Variants in RUBCN observed in about 807,000 individuals in gnomAD.
RUBCN encodes rubicon autophagy regulator.
A neutral mutation model predicts 113.2 loss-of-function variants in RUBCN; 74 were observed. That is an observed-to-expected ratio of 0.65 (90% CI 0.54 to 0.79). The LOEUF is 0.79. Ranked by LOEUF, RUBCN falls within the 30% of genes least tolerant of loss-of-function variation. RUBCN has a pLI of 0.00. For missense variants in RUBCN, 1,109 were observed against 1,251.7 expected, an observed-to-expected ratio of 0.89 and a Z score of 1.72; for synonymous variants, 480 against 490.0, an observed-to-expected ratio of 0.98 and a Z score of 0.27.
chr3:197,711,695 A>T lies in RUBCN; in HGVS notation c.219+6282T>A, dbSNP rs186704470. 9.5e-4 allele frequency among the ~76,000 whole-genome samples: 144 copies of T among 152,196 alleles called. 1 individual carries two copies. The highest frequency in any genetic ancestry group is 3.4e-3 in the Middle Eastern group (1 of 294). On this transcript the variant is annotated intron_variant, in intron 2 of 19. Coordinates refer to ENST00000296343, the MANE Select transcript of RUBCN (RefSeq NM_014687.4). ...AAAAAATTTTTAATTAAAAAAAAAA[A>T]TTCTCTGTAAGGAAACTAGTAAATG...
At chr3:197,686,269 G>GA (rs1273177027) in intron 11 of RUBCN, among the ~76,000 whole-genome samples, 2 of 151,714 alleles carry the variant, frequency 1.3e-5, no homozygotes, top group Non-Finnish European at 2.9e-5. Flanking sequence ...TCCTTTGAGA[G>GA]AAAAAATCAT....
chr3:197,745,075 A>T (rs1728679267), intron 1 of RUBCN, among the ~76,000 whole-genome samples: 1 of 150,888 alleles, frequency 6.6e-6, no homozygotes, highest in South Asian at 2.1e-4. Flanking sequence ...TCACAAAGTC[A>T]AGAGATCGAG....
At chr3:197,713,338 C>T (rs925507026) in intron 2 of RUBCN, among the ~76,000 whole-genome samples, 4 of 152,132 alleles carry the variant, frequency 2.6e-5, no homozygotes, top group African/African-American at 4.8e-5. Context: ...ATATTAGTAA[C>T]AGGGCCAAGA....
chr3:197,707,701 G>C (rs1184044549), intron 2 of RUBCN, among the ~76,000 whole-genome samples: 1 of 152,198 alleles, frequency 6.6e-6, no homozygotes, highest in Non-Finnish European at 1.5e-5. Flanking sequence ...AGGGGCTCAC[G>C]CCTGTAATCC....
intron 2 of RUBCN, among the ~76,000 whole-genome samples, chr3:197,713,272 C>T (rs1392547046): frequency 6.6e-6 from 1 of 152,070 alleles, no homozygotes; most frequent in African/African-American, 2.4e-5. Flanking sequence ...CTTTCAGGCA[C>T]AGATAGTGAA....
chr3:197,701,360 G>T (rs1723646895), intron 6 of RUBCN, among the ~76,000 whole-genome samples: 1 of 152,182 alleles, frequency 6.6e-6, no homozygotes, highest in South Asian at 2.1e-4. Context: ...TGAAAAATGA[G>T]CAGTAAGAGG....
chr3:197,746,392 C>T (rs796123078), intron 1 of RUBCN, among the ~76,000 whole-genome samples: 40 of 152,138 alleles, frequency 2.6e-4, no homozygotes, highest in African/African-American at 7.2e-4. Context: ...ATCTCTGGCA[C>T]GCCTCAATCA....
In RUBCN at chr3:197,670,517, G is replaced by A. The variant is rs530551838; in HGVS notation, c.*4501C>T. Among the ~76,000 whole-genome samples, 4 of 152,304 alleles carry A rather than the reference G, an allele frequency of 2.6e-5. No individual in the cohort carries two copies. The highest frequency in any genetic ancestry group is 9.6e-5 in the African/African-American group (4 of 41,572). The stretch of plus-strand genomic sequence containing the variant: ...GAGAACAGAAGTTTGGGAACTTACT[G>A]GAAATCAAGCTTTGGCTTCCTGTGA... On this transcript the variant is annotated 3_prime_UTR_variant, in exon 20 of 20. Transcript: ENST00000296343.
rs984585040 is a variant in RUBCN, at chr3:197,730,990, T to TTTTTTG, written c.65+5659_65+5664dup. Among the ~76,000 whole-genome samples the TTTTTTG allele has an allele frequency of 1.3e-4, 19 of 148,544 alleles. No homozygotes were observed. The South Asian group carries it at 3.2e-3, about 25-fold the overall frequency. ...GGCATTATTATGTGTTAACTAGAGG[T>TTTTTTG]TTTTTGTTTTTGTTTTTGTTTTTAT... On this transcript the variant is annotated intron_variant, in intron 1 of 19. Transcript: ENST00000296343.
intron 1 of RUBCN, among the ~76,000 whole-genome samples, chr3:197,746,057 A>T (rs1224740424): frequency 2.0e-5 from 3 of 152,144 alleles, no homozygotes; most frequent in Non-Finnish European, 4.4e-5. Flanking sequence ...AAAGAAAAGT[A>T]TGAGGTTGAG....
chr3:197,738,700 G>C (rs1728364363), upstream of RUBCN, among the ~76,000 whole-genome samples: 1 of 151,652 alleles, frequency 6.6e-6, no homozygotes, highest in Admixed American at 6.6e-5. Context: ...TCTCACCTCA[G>C]CTTCCCAAGT....
chr3:197,723,192 T>A (rs1726355298), intron 1 of RUBCN, among the ~76,000 whole-genome samples: 1 of 152,176 alleles, frequency 6.6e-6, no homozygotes, highest in African/African-American at 2.4e-5. Flanking sequence ...AATTTTCTTT[T>A]TTTTCTTGAG....
In RUBCN at chr3:197,673,350, A is replaced by C. The variant is rs570440477; in HGVS notation, c.*1668T>G. On this transcript the variant is annotated 3_prime_UTR_variant, in exon 20 of 20. Coordinates refer to ENST00000296343, the MANE Select transcript of RUBCN (RefSeq NM_014687.4). ...AATGCCTCTCCCACTTCCCTGGGAG[A>C]CTCCTTCTTACCGCCAGCTCAAGCT... is the stretch of plus-strand genomic sequence containing the variant. 6.6e-6 allele frequency: 1 copy of C among 151,490 alleles called. No individual in the cohort carries two copies. The highest frequency in any genetic ancestry group is 1.5e-5 in the Non-Finnish European group (1 of 67,978). The allele number at this position is 151,490 out of a possible 1,614,324, so 9.4% of individuals were successfully genotyped here.
chr3:197,705,168 C>T lies in RUBCN; in HGVS notation c.227G>A (p.Arg76His), dbSNP rs199499928. 142 of 1,613,914 alleles carry T rather than the reference C, an allele frequency of 8.8e-5. No homozygotes were observed. The African/African-American group carries it at 1.6e-3, about 18-fold the overall frequency. The change falls in exon 3 of 20, where the codon CGC becomes CAC. Residue 76 changes from arginine (R) to histidine (H), a missense_variant. Around this residue, in one of 3 missense-constraint regions of RUBCN, gnomAD observed 736 missense variants for 779.6 expected, o/e 0.94. Transcript: ENST00000296343. ...GAACTGCCAGTAATCCGTCTGGCGG[C>T]GGCACGCCTGCAAAGGGAACACATA... ...YHGLIRDQAC[R>H]RQTDYWQFVK...
chr3:197,747,770 T>C (rs1728812051), intron 1 of RUBCN, among the ~76,000 whole-genome samples: 1 of 152,172 alleles, frequency 6.6e-6, no homozygotes, highest in Non-Finnish European at 1.5e-5. Context: ...GGATTTTAAA[T>C]ATACTTTTCA....
intron 16 of RUBCN, among the ~76,000 whole-genome samples, chr3:197,677,796 A>T: frequency 2.0e-5 from 3 of 146,376 alleles, no homozygotes; most frequent in African/African-American, 5.1e-5. Context: ...ACCTGGCTTC[A>T]GACTGTCCCA....
chr3:197,713,779 TA>T (rs1477900749), intron 2 of RUBCN, among the ~76,000 whole-genome samples: 1 of 151,194 alleles, frequency 6.6e-6, no homozygotes, highest in Non-Finnish European at 1.5e-5. Flanking sequence ...AGAACTGCAT[TA>T]AAAAAAATTC....
At chr3:197,732,217 C>A (rs1026967630) in intron 1 of RUBCN, among the ~76,000 whole-genome samples, 2 of 152,238 alleles carry the variant, frequency 1.3e-5, no homozygotes, top group South Asian at 2.1e-4. Context: ...GACTGCATGG[C>A]CAAGGCAGTC....
At chr3:197,731,408 A>G (rs1727447490) in intron 1 of RUBCN, among the ~76,000 whole-genome samples, 1 of 152,214 alleles carries the variant, frequency 6.6e-6, no homozygotes, top group Admixed American at 6.5e-5. Flanking sequence ...CCACACAGAC[A>G]CGGCAACCAT....
Sources: gnomAD v4.1 joint callset for allele counts (sites outside exome capture counted in the v4.1 genomes callset) on GRCh38, gnomAD v4.1.1 for gene constraint, gnomAD v4.1.1 regional missense constraint, MANE v1.5 for transcripts, NCBI Gene and HGNC (gene_info 2026-07-23, HGNC 2026-07-21) for gene names.